Variants in PPARGC1A observed in about 807,000 individuals in gnomAD.
PPARGC1A encodes the protein peroxisome proliferator-activated receptor gamma coactivator 1-alpha.
Under a neutral mutation model 88.7 loss-of-function variants are expected in PPARGC1A, and 25 were observed. The observed-to-expected ratio is 0.28, with a 90% CI of 0.21 to 0.39. The LOEUF is 0.39. Among genes scored for constraint, PPARGC1A ranks in the 10% least tolerant of loss-of-function variants. PPARGC1A has a pLI of 1.00. For synonymous variants in PPARGC1A, 363 were observed against 355.6 expected, an observed-to-expected ratio of 1.02 and a Z score of -0.24; for missense variants, 880 against 968.7, an observed-to-expected ratio of 0.91 and a Z score of 1.22.
chr4:24,231,399 G>A, the PPARGC1A span, among the ~76,000 whole-genome samples: 5 of 152,218 alleles, frequency 3.3e-5, no homozygotes, highest in South Asian at 4.2e-4. Context: ...GGTATTCAGC[G>A]TTTCCAATGG....
chr4:23,882,691 G>C (rs1716176663), intron 2 of PPARGC1A: 1 of 152,068 alleles, frequency 6.6e-6, no homozygotes, highest in East Asian at 1.9e-4. Context: ...TTAGAGTGCT[G>C]AAAATAATTT....
the PPARGC1A span, among the ~76,000 whole-genome samples, chr4:24,347,592 G>C: frequency 5.5e-4 from 83 of 152,184 alleles, no homozygotes; most frequent in Middle Eastern, 3.4e-3. Context: ...CGCTTTTGTT[G>C]TCCATTTGTA....
At chr4:24,229,063 C>T in the PPARGC1A span, among the ~76,000 whole-genome samples, 2 of 151,666 alleles carry the variant, frequency 1.3e-5, no homozygotes, top group Non-Finnish European at 2.9e-5. Flanking sequence ...TTGGAATAAC[C>T]TGAAAAGCTT....
the PPARGC1A span, among the ~76,000 whole-genome samples, chr4:23,922,895 T>G: frequency 2.6e-5 from 4 of 152,186 alleles, no homozygotes; most frequent in Non-Finnish European, 5.9e-5. Context: ...CTTTGCCATT[T>G]CAACTGGGGG....
chr4:23,961,770 G>A, the PPARGC1A span, among the ~76,000 whole-genome samples: 318 of 151,544 alleles, frequency 2.1e-3, no homozygotes, highest in Non-Finnish European at 3.4e-3. Context: ...CATGTTCTTC[G>A]CCTCCCACAA....
At chr4:24,219,496 C>T in the PPARGC1A span, among the ~76,000 whole-genome samples, 1 of 152,212 alleles carries the variant, frequency 6.6e-6, no homozygotes, top group Non-Finnish European at 1.5e-5. Flanking sequence ...GTCACTGCCT[C>T]ACCCCATGAG....
the PPARGC1A span, among the ~76,000 whole-genome samples, chr4:24,184,619 C>T: frequency 6.6e-6 from 1 of 152,178 alleles, no homozygotes; most frequent in African/African-American, 2.4e-5. Flanking sequence ...TGGGCCCAGC[C>T]TTGGCTTGGG....
chr4:24,225,131 A>G, the PPARGC1A span, among the ~76,000 whole-genome samples: 2 of 152,322 alleles, frequency 1.3e-5, no homozygotes, highest in South Asian at 4.1e-4. Context: ...GAAGAGGGGA[A>G]TGATGGAACT....
chr4:24,158,494 T>C, the PPARGC1A span, among the ~76,000 whole-genome samples: 1 of 152,144 alleles, frequency 6.6e-6, no homozygotes, highest in African/African-American at 2.4e-5. Flanking sequence ...TTAAAATCGC[T>C]CACTTCCCTG....
chr4:24,296,139 TAC>T, the PPARGC1A span, among the ~76,000 whole-genome samples: 14 of 150,866 alleles, frequency 9.3e-5, no homozygotes, highest in African/African-American at 2.9e-4. Flanking sequence ...TGTATATAGA[TAC>T]ACACACACGA....
chr4:24,124,616 C>T, the PPARGC1A span, among the ~76,000 whole-genome samples: 2 of 152,144 alleles, frequency 1.3e-5, no homozygotes, highest in African/African-American at 4.8e-5. Flanking sequence ...CTCCTAGTTG[C>T]TGGACAGGTA....
the PPARGC1A span, among the ~76,000 whole-genome samples, chr4:24,381,016 T>A: frequency 6.7e-6 from 1 of 148,242 alleles, no homozygotes; most frequent in African/African-American, 2.5e-5. Flanking sequence ...GGAATCACCA[T>A]AGAAGATTGG....
upstream of PPARGC1A, among the ~76,000 whole-genome samples, chr4:23,894,860 A>G (rs1408239473): frequency 6.6e-6 from 1 of 152,166 alleles, no homozygotes; most frequent in Non-Finnish European, 1.5e-5. Context: ...ACTCGGTTGT[A>G]TTTGTGAATC....
the PPARGC1A span, among the ~76,000 whole-genome samples, chr4:24,095,232 C>T: frequency 6.6e-6 from 1 of 151,800 alleles, no homozygotes; most frequent in Non-Finnish European, 1.5e-5. Flanking sequence ...ATTCTCCTGC[C>T]TCAGCCTCCC....
chr4:23,980,748 C>T, the PPARGC1A span, among the ~76,000 whole-genome samples: 22 of 152,240 alleles, frequency 1.4e-4, no homozygotes, highest in Admixed American at 1.3e-3. Flanking sequence ...AGATATTCTA[C>T]CCCTACCACC....
rs1047483047 is a variant in PPARGC1A, at chr4:23,846,626, A to C, written c.235-14875T>G. Among the ~76,000 whole-genome samples the C allele has an allele frequency of 3.3e-5, 5 of 152,192 alleles. No homozygotes were observed. The South Asian group carries it at 1.0e-3, about 32-fold the overall frequency. ...TAGGAATCATGATCTGTGCATCAAAATTAGTGTCAAAAATTTTGACAAGAA... is the reference window on the plus strand; with the variant it reads ...TAGGAATCATGATCTGTGCATCAAACTTAGTGTCAAAAATTTTGACAAGAA... On this transcript the variant is annotated intron_variant, in intron 2 of 12. Coordinates refer to ENST00000264867, the MANE Select transcript of PPARGC1A (RefSeq NM_013261.5).
chr4:24,203,056 G>T, the PPARGC1A span, among the ~76,000 whole-genome samples: 1 of 152,172 alleles, frequency 6.6e-6, no homozygotes. Context: ...AGCAGTTAGG[G>T]ATCCATAACC....
chr4:24,329,258 C>CT, the PPARGC1A span, among the ~76,000 whole-genome samples: 163 of 145,376 alleles, frequency 1.1e-3, no homozygotes, highest in Middle Eastern at 3.5e-3. Context: ...TCTCTTTAAG[C>CT]TTTTTTTTTT....
At chr4:23,931,380 G>A in the PPARGC1A span, among the ~76,000 whole-genome samples, 1 of 152,044 alleles carries the variant, frequency 6.6e-6, no homozygotes, top group African/African-American at 2.4e-5. Context: ...CTGGGTAGAA[G>A]GTTACTGTAG....
Sources: gnomAD v4.1 joint callset for allele counts (sites outside exome capture counted in the v4.1 genomes callset) on GRCh38, gnomAD v4.1.1 for gene constraint, MANE v1.5 for transcripts, NCBI Gene and HGNC (gene_info 2026-07-23, HGNC 2026-07-21) for gene names.